The following GXYLT2 variants were observed in gnomAD, a reference collection of about 807,000 sequenced individuals.
GXYLT2 encodes glucoside xylosyltransferase 2.
GXYLT2 carries 53 observed loss-of-function variants against 45.8 expected under a neutral mutation model. The observed-to-expected ratio is 1.16, with a 90% CI of 0.93 to 1.46. The LOEUF is 1.46. GXYLT2 is among the 40% of genes most tolerant of loss of function. The pLI is 0.00. For synonymous variants in GXYLT2, 219 were observed against 214.2 expected (o/e 1.02, Z -0.19); for missense variants, 551 against 544.4 (o/e 1.01, Z -0.12).
intron 5 of GXYLT2, among the ~76,000 whole-genome samples, chr3:72,961,086 C>T (rs13080133): frequency 0.4 from 60,253 of 152,016 alleles, 14,844 homozygotes; most frequent in Non-Finnish European, 0.55. Flanking sequence ...AATTGCAGTG[C>T]TGGGTAATAG....
At chr3:72,931,091 G>A (rs1710025049) in intron 3 of GXYLT2, among the ~76,000 whole-genome samples, 1 of 152,088 alleles carries the variant, frequency 6.6e-6, no homozygotes, top group Non-Finnish European at 1.5e-5. Context: ...GCTGTAAAAA[G>A]CATAAAAGGA....
chr3:72,893,752 C>T (rs912983456), intron 1 of GXYLT2, among the ~76,000 whole-genome samples: 2 of 152,098 alleles, frequency 1.3e-5, no homozygotes, highest in African/African-American at 4.8e-5. Context: ...CATACCCTTT[C>T]GAAGAATAGT....
chr3:72,926,255 C>G (rs571257877), intron 3 of GXYLT2, among the ~76,000 whole-genome samples: 3 of 152,222 alleles, frequency 2.0e-5, no homozygotes, highest in Non-Finnish European at 4.4e-5. Flanking sequence ...GTCTTTGCAA[C>G]TCAAGCCAAT....
chr3:72,913,409 C>G (rs1013576626), intron 2 of GXYLT2, among the ~76,000 whole-genome samples: 1 of 151,550 alleles, frequency 6.6e-6, no homozygotes, highest in Non-Finnish European at 1.5e-5. Flanking sequence ...AAAAACTAGG[C>G]AGGGGATGGG....
At chr3:72,903,692 G>C (rs1280919815) in intron 1 of GXYLT2, among the ~76,000 whole-genome samples, 1 of 152,182 alleles carries the variant, frequency 6.6e-6, no homozygotes, top group Non-Finnish European at 1.5e-5. Context: ...TGGAAGAATG[G>C]TCAGGATTTG....
chr3:72,920,626 G>T (rs1254941427), intron 2 of GXYLT2, among the ~76,000 whole-genome samples: 2 of 151,806 alleles, frequency 1.3e-5, no homozygotes, highest in Admixed American at 6.6e-5. Flanking sequence ...TAAAAATTTT[G>T]TTATAAAATT....
Position 72,909,371 on chromosome 3 carries a change from GT to G in GXYLT2, c.468+821del, listed in dbSNP as rs565632074. 6.6e-4 allele frequency among the ~76,000 whole-genome samples: 99 copies of G among 150,516 alleles called. No homozygotes were observed. In the South Asian group the frequency reaches 0.019, roughly 29 times the overall value. On this transcript the variant is annotated intron_variant, in intron 2 of 6. Coordinates refer to ENST00000389617, the MANE Select transcript of GXYLT2 (RefSeq NM_001080393.2). Reference sequence around the variant, plus strand: ...AGGCATGAGCCACTGCGCCTGGCCGGTTTTTTTTTCCCCATATATAGTTGTC... The same window carrying G: ...AGGCATGAGCCACTGCGCCTGGCCGGTTTTTTTTCCCCATATATAGTTGTC...
intron 6 of GXYLT2, among the ~76,000 whole-genome samples, chr3:72,971,319 A>G (rs1376082583): frequency 2.6e-5 from 4 of 152,312 alleles, no homozygotes; most frequent in East Asian, 1.9e-4. Context: ...AGGCATTTCA[A>G]TCAGAAAAAT....
At chr3:72,891,595 C>T (rs1709183886) in intron 1 of GXYLT2, among the ~76,000 whole-genome samples, 1 of 152,052 alleles carries the variant, frequency 6.6e-6, no homozygotes, top group Middle Eastern at 3.2e-3. Flanking sequence ...AGCAGCAGTC[C>T]CAGTGCACAA....
chr3:72,941,370 A>G (rs13324383), intron 3 of GXYLT2, among the ~76,000 whole-genome samples: 5,968 of 152,182 alleles, frequency 0.039, 375 homozygotes, highest in African/African-American at 0.14. Flanking sequence ...TCTGGGCCTG[A>G]TGTTGAGGGC....
intron 1 of GXYLT2, among the ~76,000 whole-genome samples, chr3:72,900,158 C>G (rs1709375923): frequency 6.6e-6 from 1 of 152,144 alleles, no homozygotes; most frequent in Non-Finnish European, 1.5e-5. Context: ...GTAAATAGCA[C>G]TACACATAAA....
chr3:72,947,050 C>A (rs541227755), intron 3 of GXYLT2, among the ~76,000 whole-genome samples: 1 of 152,062 alleles, frequency 6.6e-6, no homozygotes, highest in East Asian at 1.9e-4. Flanking sequence ...TGAGGCCTTA[C>A]TACATGGCCC....
intron 1 of GXYLT2, among the ~76,000 whole-genome samples, chr3:72,890,390 G>T (rs2107053114): frequency 6.6e-6 from 1 of 152,344 alleles, no homozygotes; most frequent in Non-Finnish European, 1.5e-5. Context: ...TGTTTCTCAT[G>T]CACAACAAAG....
intron 3 of GXYLT2, among the ~76,000 whole-genome samples, chr3:72,954,824 C>A (rs77420259): frequency 0.042 from 6,344 of 152,002 alleles, 432 homozygotes; most frequent in African/African-American, 0.15. Context: ...TAAGTTCAAC[C>A]CTTATCAAAT....
chr3:72,939,420 G>A lies in GXYLT2; in HGVS notation c.601-15678G>A, dbSNP rs189682888. Reference sequence around the variant, plus strand: ...ACTGCACTCCAGCCTGGGTGACAGAGCAAGACTTTCAAAAACAACAACAAC... The same window carrying A: ...ACTGCACTCCAGCCTGGGTGACAGAACAAGACTTTCAAAAACAACAACAAC... On this transcript the variant is annotated intron_variant, in intron 3 of 6. Transcript: ENST00000389617. Among the ~76,000 whole-genome samples, 19 of 152,014 alleles carry A rather than the reference G, an allele frequency of 1.2e-4. No individual in the cohort carries two copies. In the East Asian group the frequency reaches 3.7e-3, roughly 30 times the overall value.
chr3:72,926,763 G>A (rs147831449), intron 3 of GXYLT2, among the ~76,000 whole-genome samples: 8 of 152,322 alleles, frequency 5.3e-5, no homozygotes, highest in Non-Finnish European at 1.0e-4. Flanking sequence ...TCACTGGATT[G>A]CAGAACCTTT....
At chr3:72,957,851 AGGT>A (rs1345996208) in intron 5 of GXYLT2, among the ~76,000 whole-genome samples, 1 of 152,190 alleles carries the variant, frequency 6.6e-6, no homozygotes, top group Admixed American at 6.5e-5. Flanking sequence ...TTATATTGTT[AGGT>A]GGATGATTTG....
At chr3:72,937,793 C>G (rs200802963) in intron 3 of GXYLT2, among the ~76,000 whole-genome samples, 1 of 152,306 alleles carries the variant, frequency 6.6e-6, no homozygotes, top group Admixed American at 6.5e-5. Flanking sequence ...AGAAATAGAA[C>G]ATATGTCTTT....
intron 3 of GXYLT2, among the ~76,000 whole-genome samples, chr3:72,937,738 C>T (rs1321625121): frequency 6.6e-6 from 1 of 152,104 alleles, no homozygotes; most frequent in Non-Finnish European, 1.5e-5. Flanking sequence ...TAGGAAAATT[C>T]CCCTGAACCT....
Sources: gnomAD v4.1 joint callset for allele counts (sites outside exome capture counted in the v4.1 genomes callset) on GRCh38, gnomAD v4.1.1 for gene constraint, MANE v1.5 for transcripts, NCBI Gene and HGNC (gene_info 2026-07-23, HGNC 2026-07-21) for gene names.